Variants in PIGR observed in about 807,000 individuals in gnomAD.
PIGR encodes hepatocellular carcinoma associated protein TB6.
A neutral mutation model predicts 69.5 loss-of-function variants in PIGR; 22 were observed. That is an observed-to-expected ratio of 0.32 (90% CI 0.23 to 0.45). PIGR has a LOEUF of 0.45. PIGR is among the 20% of genes least tolerant of loss of function. The pLI is 1.00. For synonymous variants in PIGR, 413 were observed against 407.6 expected, an observed-to-expected ratio of 1.01 and a Z score of -0.16; for missense variants, 885 against 974.0, an observed-to-expected ratio of 0.91 and a Z score of 1.22.
chr1:206,937,018 A>T, intron 4 of PIGR, 77 bp downstream of exon 4: 1 of 1,299,300 alleles, frequency 7.7e-7, no homozygotes, highest in Non-Finnish European at 1.0e-6. Flanking sequence ...ATTGATGAAT[A>T]CACTCAGAGG....
Position 206,935,326 on chromosome 1 carries a change from C to T in PIGR, c.1378+160G>A, listed in dbSNP as rs532252875. On this transcript the variant is annotated intron_variant, in intron 5 of 10. Coordinates refer to ENST00000356495, the MANE Select transcript of PIGR (RefSeq NM_002644.4). The surrounding 1 kb of genome is among the most constrained non-coding windows in gnomAD (Gnocchi z 4.4). ...GTATGGTAATTCAGAGTGTAAGGTG[C>T]GTGTTATAGGCATGAAAATGTGACC... is the stretch of plus-strand genomic sequence containing the variant. Among the ~76,000 whole-genome samples, 6 of 152,146 alleles carry T rather than the reference C, an allele frequency of 3.9e-5. No individual in the cohort carries two copies. Among genetic ancestry groups the T allele is most frequent in the South Asian group, 2.1e-4 (1 of 4,806 alleles).
intron 3 of PIGR, 63 bp downstream of exon 3, chr1:206,939,056 C>A: frequency 7.1e-7 from 1 of 1,414,878 alleles, no homozygotes; most frequent in South Asian, 1.3e-5. Flanking sequence ...CTCAAGCCCT[C>A]CATGCACCTT....
In PIGR at chr1:206,931,677, T is replaced by G; in HGVS notation, c.2134A>C (p.Lys712Gln). Residue 712 changes from lysine to glutamine, a missense_variant, in exon 9 of 11, where the codon AAA becomes CAA. By Grantham distance (53) the Lys-to-Gln change is moderately conservative. Coordinates refer to ENST00000356495, the MANE Select transcript of PIGR (RefSeq NM_002644.4). ...SITQETSLGG[K>Q]EEFVATTEST... Reference sequence around the variant, plus strand: ...CCTTGAGTGAGGGTCATACCTTCTTTTCCTCCGAGGGATGTCTCCTGAGTG... The same window carrying G: ...CCTTGAGTGAGGGTCATACCTTCTTGTCCTCCGAGGGATGTCTCCTGAGTG... 3 of 1,614,182 alleles carry G rather than the reference T, an allele frequency of 1.9e-6. No homozygotes were observed. Among genetic ancestry groups the G allele is most frequent in the Non-Finnish European group, 2.5e-6 (3 of 1,180,032 alleles).
chr1:206,932,004 C>T (rs1679763564), intron 8 of PIGR, among the ~76,000 whole-genome samples: 1 of 152,084 alleles, frequency 6.6e-6, no homozygotes, highest in Non-Finnish European at 1.5e-5. Context: ...CTTGGTAATC[C>T]CTGATCTTTG....
chr1:206,931,818 A>G lies in PIGR; in HGVS notation c.2009-16T>C. The stretch of plus-strand genomic sequence containing the variant: ...GAAACTCGGTCTGTCCGGGAGGAAG[A>G]GGAGTTGGTGTAAGGACAGGGGCTG... On this transcript the variant is annotated splice_polypyrimidine_tract_variant and intron_variant, in intron 8 of 10. Transcript: ENST00000356495. 1 of 1,613,966 alleles carries G rather than the reference A, an allele frequency of 6.2e-7. No individual in the cohort carries two copies. The highest frequency in any genetic ancestry group is 2.2e-5 in the East Asian group (1 of 44,880).
chr1:206,937,719 T>C lies in PIGR; in HGVS notation c.421A>G (p.Thr141Ala). 3 of 1,614,074 alleles carry C rather than the reference T, an allele frequency of 1.9e-6. No homozygotes were observed. The highest frequency in any genetic ancestry group is 2.5e-6 in the Non-Finnish European group (3 of 1,180,006). Reference protein sequence around the residue: ...PGLLNDTKVYTVDLGRTVTIN... With the variant: ...PGLLNDTKVYAVDLGRTVTIN... ...GTCACCGTTCTGCCCAGGTCCACTG[T>C]GTAGACTTTAGTGTCATTTAGGAGC... The change falls in exon 4 of 11, where the codon ACA becomes GCA. Residue 141 changes from threonine to alanine, a missense_variant. Thr to Ala is a moderately conservative substitution (Grantham distance 58, BLOSUM62 0). Coordinates refer to ENST00000356495, the MANE Select transcript of PIGR (RefSeq NM_002644.4).
Position 206,940,493 on chromosome 1 carries a change from G to T in PIGR, c.39C>A (p.Phe13Leu). Residue 13 changes from phenylalanine (F) to leucine (L), a missense_variant, in exon 2 of 11, where the codon TTC (phenylalanine) becomes TTA (leucine). By Grantham distance (22) the Phe-to-Leu change is conservative (BLOSUM62 0). Coordinates refer to ENST00000356495, the MANE Select transcript of PIGR (RefSeq NM_002644.4). ...GTTGGGGCCTGGCAGACACACCTGGGAAGACCGCCAGCAGGCAGGTGAGCA... is the reference window on the plus strand; with the variant it reads ...GTTGGGGCCTGGCAGACACACCTGGTAAGACCGCCAGCAGGCAGGTGAGCA... ...LFVLTCLLAV[F>L]PAISTKSPIF... is the part of the protein sequence containing the mutation. The T allele has an allele frequency of 6.4e-7, 1 of 1,551,528 alleles. No homozygotes were observed. The highest frequency in any genetic ancestry group is 8.7e-7 in the Non-Finnish European group (1 of 1,146,956).
At chr1:206,931,299 T>A (rs1027685445) in intron 10 of PIGR, 198 bp downstream of exon 10, 2 of 1,460,626 alleles carry the variant, frequency 1.4e-6, no homozygotes, top group Non-Finnish European at 1.8e-6. Flanking sequence ...TTCCTGGGCC[T>A]TATCCACATC....
chr1:206,934,349 C>A, intron 6 of PIGR, 71 bp downstream of exon 6: 1 of 1,362,266 alleles, frequency 7.3e-7, no homozygotes, highest in Admixed American at 2.0e-5. Flanking sequence ...TTGAGAAGCT[C>A]TCAGGCAGGG....
In PIGR at chr1:206,940,546, G is replaced by A. The variant is rs767966298; in HGVS notation, c.-15C>T. The A allele has an allele frequency of 6.4e-6, 10 of 1,550,906 alleles. No homozygotes were observed. The highest frequency in any genetic ancestry group is 1.7e-4 in the Middle Eastern group (1 of 5,980). ...AAGAGCAGCATTGCTGGTGGGTCCC[G>A]AGCGCCGCACCACTCAGGCCGACTT... On this transcript the variant is annotated 5_prime_UTR_variant, in exon 2 of 11. Coordinates refer to ENST00000356495, the MANE Select transcript of PIGR (RefSeq NM_002644.4).
In PIGR at chr1:206,939,361, C is replaced by T. The variant is rs780994524; in HGVS notation, c.146G>A (p.Arg49Gln). The T allele has an allele frequency of 5.0e-5, 81 of 1,614,096 alleles. No individual in the cohort carries two copies. Among genetic ancestry groups the T allele is most frequent in the Admixed American group, 6.7e-5 (4 of 60,010 alleles). ...CCGGCACCAGTACTTCCGGGTGTGC[C>T]GGTTGACAGAGGTGGGTGGGTAGTA... Reference protein sequence around the residue: ...TCYYPPTSVNRHTRKYWCRQG... With the variant: ...TCYYPPTSVNQHTRKYWCRQG... The change falls in exon 3 of 11, where the codon CGG becomes CAG. Residue 49 changes from arginine to glutamine, a missense_variant. Physicochemically the swap from Arg to Gln is conservative, Grantham distance 43 (BLOSUM62 1). Transcript: ENST00000356495.
rs1399938554 is a variant in PIGR, at chr1:206,930,267, A to G, written c.*51T>C. The G allele has an allele frequency of 6.6e-7, 1 of 1,513,988 alleles. No homozygotes were observed. The highest frequency in any genetic ancestry group is 9.0e-7 in the Non-Finnish European group (1 of 1,113,352). The allele number at this position is 1,513,988 out of a possible 1,614,324, so 93.8% of individuals were successfully genotyped here. On this transcript the variant is annotated 3_prime_UTR_variant, in exon 11 of 11. Coordinates refer to ENST00000356495, the MANE Select transcript of PIGR (RefSeq NM_002644.4). The surrounding 1 kb of genome is among the most constrained non-coding windows in gnomAD (Gnocchi z 4.3). ...AGGAGCTGAGGGCCCCAGGATCGAC[A>G]TGATTCTGAAGGTGATTGTCATGGG...
intron 5 of PIGR, among the ~76,000 whole-genome samples, 164 bp from the exon 6 acceptor site, chr1:206,934,910 G>A (rs1365662761): frequency 6.6e-6 from 1 of 152,090 alleles, no homozygotes; most frequent in Non-Finnish European, 1.5e-5. Flanking sequence ...CCAGGCTGGA[G>A]GGTAGTGGTG....
chr1:206,941,078 A>G (rs1312447754), intron 1 of PIGR, among the ~76,000 whole-genome samples: 2 of 152,238 alleles, frequency 1.3e-5, no homozygotes, highest in East Asian at 1.9e-4. Context: ...AAATGTAATG[A>G]TGATGGTCCT....
chr1:206,941,958 A>G (rs1181650229), intron 1 of PIGR, among the ~76,000 whole-genome samples: 1 of 152,238 alleles, frequency 6.6e-6, no homozygotes, highest in African/African-American at 2.4e-5. Flanking sequence ...GTTATCTCCC[A>G]GACCTCCCTC....
chr1:206,933,231 G>A, intron 6 of PIGR, 65 bp from the exon 7 acceptor site: 1 of 1,498,172 alleles, frequency 6.7e-7, no homozygotes, highest in Non-Finnish European at 9.1e-7. Context: ...TCGAGGTGAA[G>A]GAGTCTGGGG....
At chr1:206,937,772 G>A in intron 3 of PIGR, 21 bp from the exon 4 acceptor site, 1 of 1,609,714 alleles carries the variant, frequency 6.2e-7, no homozygotes, top group South Asian at 1.1e-5. Context: ...AGGGGTGCAA[G>A]GTAGGGGGCA....
rs747240793 is a variant in PIGR at position 206,937,764 on chromosome 1, G to T, written c.389-13C>A. 2 of 1,612,778 alleles carry T rather than the reference G, an allele frequency of 1.2e-6. No individual in the cohort carries two copies. The highest frequency in any genetic ancestry group is 1.1e-5 in the South Asian group (1 of 90,702). On this transcript the variant is annotated splice_polypyrimidine_tract_variant and intron_variant, in intron 3 of 10. Coordinates refer to ENST00000356495, the MANE Select transcript of PIGR (RefSeq NM_002644.4). ...AGGAGCCCAGGACCTGCAGGATGAG[G>T]GGTGCAAGGTAGGGGGCAGGCAAGT... is the stretch of plus-strand genomic sequence containing the variant.
At chr1:206,945,508 TG>T (rs1353829111) in intron 1 of PIGR, among the ~76,000 whole-genome samples, 3 of 152,226 alleles carry the variant, frequency 2.0e-5, no homozygotes, top group Admixed American at 2.0e-4. Context: ...TTGATCATGC[TG>T]CCTGTGGGGC....
Sources: gnomAD v4.1 joint callset for allele counts (sites outside exome capture counted in the v4.1 genomes callset) on GRCh38, gnomAD v4.1.1 for gene constraint, Gnocchi (gnomAD v3.1) non-coding constraint, MANE v1.5 for transcripts, NCBI Gene and HGNC (gene_info 2026-07-23, HGNC 2026-07-21) for gene names.